MCCC1: variants seen among roughly 807,000 people sequenced by gnomAD.
The protein encoded by MCCC1 is methylcrotonyl-CoA carboxylase subunit 1, also known as methylcrotonoyl-CoA carboxylase subunit alpha, mitochondrial.
Under a neutral mutation model 83.8 loss-of-function variants are expected in MCCC1, and 64 were observed. The observed-to-expected ratio is 0.76, with a 90% confidence interval of 0.62 to 0.94. MCCC1 has a LOEUF of 0.94. Ranked by LOEUF, MCCC1 falls within the 40% of genes least tolerant of loss-of-function variation. The probability of loss-of-function intolerance (pLI) is 0.00; values close to 1 mark genes in which losing one functional copy is unlikely to be tolerated. For synonymous variants in MCCC1, 322 were observed against 315.4 expected (o/e 1.02, Z -0.22); for missense variants, 807 against 904.7 (o/e 0.89, Z 1.39).
rs886564017 is a variant in MCCC1, at chr3:183,052,172, A to T, written c.942T>A (p.Asn314Lys). The part of the protein sequence containing the change: ...EAAVRAAKAV[N>K]YVGAGTVEFI... The stretch of plus-strand genomic sequence containing the variant: ...ATCTTAACCTACCTGCTCCAACATA[A>T]TTTACAGCTTTAGCAGCTCTGACTG... The change falls in exon 9 of 19, where the codon AAT becomes AAA. Residue 314 changes from asparagine (N) to lysine (K), a missense_variant. By Grantham distance (94) the Asn-to-Lys change is moderately conservative. Coordinates refer to ENST00000265594, the MANE Select transcript of MCCC1 (RefSeq NM_020166.5). The T allele has an allele frequency of 7.2e-5, 117 of 1,613,926 alleles. No homozygotes were observed. Among genetic ancestry groups the T allele is most frequent in the Non-Finnish European group, 9.5e-5 (112 of 1,179,984 alleles).
intron 9 of MCCC1, among the ~76,000 whole-genome samples, chr3:183,050,237 T>C (rs1714863156): frequency 6.6e-6 from 1 of 152,042 alleles, no homozygotes; most frequent in African/African-American, 2.4e-5. Context: ...ATTAAAGAGA[T>C]TAAGTCAATA....
At chr3:183,099,513 T>C, upstream of MCCC1, 1 of 1,532,254 alleles carries the variant, frequency 6.5e-7, no homozygotes, top group Admixed American at 1.9e-5. Context: ...AACCCGTTCC[T>C]CCACTACGAA....
chr3:183,101,289 G>T (rs114830081), upstream of MCCC1, among the ~76,000 whole-genome samples: 7 of 152,226 alleles, frequency 4.6e-5, no homozygotes, highest in African/African-American at 1.4e-4. Context: ...GCGAGCGCAC[G>T]GCGGCGCAGG....
In MCCC1 at chr3:183,037,310, T is replaced by C; in HGVS notation, c.1502A>G (p.Lys501Arg). 6.2e-7 allele frequency: 1 copy of C among 1,614,108 alleles called. No homozygotes were observed. Among genetic ancestry groups the C allele is most frequent in the African/African-American group, 1.3e-5 (1 of 75,028 alleles). ...GCATAAAGACTCTTTGGCTGCAGCCTTCCGACTGAGCAACAACTGTTTGTG... is the reference window on the plus strand; with the variant it reads ...GCATAAAGACTCTTTGGCTGCAGCCCTCCGACTGAGCAACAACTGTTTGTG... ...QHHKQLLLSR[K>R]AAAKESLCQA... The change falls in exon 13 of 19, where the codon AAG becomes AGG. Residue 501 changes from lysine (K) to arginine (R), a missense_variant. By Grantham distance (26) the Lys-to-Arg change is conservative (BLOSUM62 2). Transcript: ENST00000265594.
intron 1 of MCCC1, among the ~76,000 whole-genome samples, chr3:183,109,722 G>A (rs1719464623): frequency 6.6e-6 from 1 of 152,182 alleles, no homozygotes; most frequent in Non-Finnish European, 1.5e-5. Flanking sequence ...ACATATGAGT[G>A]TGTGTGTCTC....
rs776138490 is a variant in MCCC1 at position 183,015,527 on chromosome 3, C to T, written c.2089G>A (p.Val697Met). ...KSPKDGTVKK[V>M]FYREGAQANR... ...GCCTGAGCACCTTCTCTGTAGAACA[C>T]TTTCTTTACTGTGCCATCCTTTGGA... The change falls in exon 19 of 19, where the codon GTG becomes ATG. Residue 697 changes from valine (V) to methionine (M), a missense_variant. Transcript: ENST00000265594. 27 of 1,614,048 alleles carry T rather than the reference C, an allele frequency of 1.7e-5. No individual in the cohort carries two copies. Among genetic ancestry groups the T allele is most frequent in the Non-Finnish European group, 2.2e-5 (26 of 1,180,010 alleles).
At chr3:183,032,585 T>A (rs1713169036) in intron 14 of MCCC1, among the ~76,000 whole-genome samples, 1 of 152,066 alleles carries the variant, frequency 6.6e-6, no homozygotes, top group African/African-American at 2.4e-5. Flanking sequence ...GAACAAAATA[T>A]TTGTTACTGG....
At chr3:183,035,337 G>A (rs1713480503) in intron 13 of MCCC1, among the ~76,000 whole-genome samples, 1 of 152,100 alleles carries the variant, frequency 6.6e-6, no homozygotes, top group African/African-American at 2.4e-5. Context: ...TAAAGATGCA[G>A]TTTTCGGGAC....
chr3:183,044,341 A>G (rs1185430480), intron 10 of MCCC1, among the ~76,000 whole-genome samples: 1 of 152,226 alleles, frequency 6.6e-6, no homozygotes, highest in Admixed American at 6.5e-5. Flanking sequence ...GTTTTGTGGA[A>G]TTCTGGTTTA....
chr3:183,089,549 G>A (rs1298764005), intron 3 of MCCC1, among the ~76,000 whole-genome samples: 2 of 152,158 alleles, frequency 1.3e-5, no homozygotes, highest in Non-Finnish European at 1.5e-5. Flanking sequence ...GGGGGGTTGA[G>A]GCTGCAGTGA....
At chr3:183,093,073 T>C (rs1295972293) in intron 2 of MCCC1, among the ~76,000 whole-genome samples, 1 of 152,094 alleles carries the variant, frequency 6.6e-6, no homozygotes, top group East Asian at 1.9e-4. Flanking sequence ...TTTGTATTTT[T>C]AGTAGAGACG....
In MCCC1 at chr3:183,041,684, C is replaced by T. The variant is rs761471986; in HGVS notation, c.1150G>A (p.Ala384Thr). The stretch of plus-strand genomic sequence containing the variant: ...CTAGGATCTTCTGCATATATTCTAG[C>T]TTCGAAGGCATGGCCCTGCAGAGTT... ...EITLQGHAFE[A>T]RIYAEDPSNN... Residue 384 changes from alanine to threonine, a missense_variant, in exon 11 of 19, where the codon GCT becomes ACT. Coordinates refer to ENST00000265594, the MANE Select transcript of MCCC1 (RefSeq NM_020166.5). 1 of 1,614,212 alleles carries T rather than the reference C, an allele frequency of 6.2e-7. No individual in the cohort carries two copies.
At chr3:183,116,116 G>A (rs1719583553), upstream of MCCC1, 1 of 153,628 alleles carries the variant, frequency 6.5e-6, no homozygotes, top group African/African-American at 2.4e-5. Flanking sequence ...GCGGCCAATG[G>A]GGGGCTAAAG....
chr3:183,015,558 T>C lies in MCCC1; in HGVS notation c.2058A>G (p.Ile686Met), dbSNP rs1438084993. The change falls in exon 19 of 19, where the codon ATA becomes ATG. Residue 686 changes from isoleucine to methionine, a missense_variant. Coordinates refer to ENST00000265594, the MANE Select transcript of MCCC1 (RefSeq NM_020166.5). ...VMIAMKMEHT[I>M]KSPKDGTVKK... ...TTACTGTGCCATCCTTTGGAGACTT[T>C]ATGGTATGCTGCAGAGACACATGAC... 1 of 1,614,144 alleles carries C rather than the reference T, an allele frequency of 6.2e-7. No individual in the cohort carries two copies. The highest frequency in any genetic ancestry group is 8.5e-7 in the Non-Finnish European group (1 of 1,180,014).
chr3:183,113,433 G>T (rs1428873242), intron 1 of MCCC1, among the ~76,000 whole-genome samples: 3 of 136,284 alleles, frequency 2.2e-5, no homozygotes, highest in South Asian at 2.8e-4. Context: ...GGGGAGGGGG[G>T]ACGGATAGCA....
chr3:183,052,290 G>T (rs763026121), intron 8 of MCCC1, 50 bp from the exon 9 acceptor site: 3 of 1,521,986 alleles, frequency 2.0e-6, no homozygotes, highest in African/African-American at 1.4e-5. Context: ...TGCCTTACTA[G>T]AAATTCCATT....
chr3:183,084,186 T>C (rs903213708), intron 4 of MCCC1, among the ~76,000 whole-genome samples: 3 of 152,262 alleles, frequency 2.0e-5, no homozygotes, highest in Non-Finnish European at 2.9e-5. Flanking sequence ...TGTGAGCCAC[T>C]GTGTCCAGCT....
rs1320711624 is a variant in MCCC1, at chr3:183,064,140, A to G, written c.762-6718T>C. On this transcript the variant is annotated intron_variant, in intron 7 of 18. Transcript: ENST00000265594. The surrounding 1 kb of genome is among the most constrained non-coding windows in gnomAD (Gnocchi z 4.5). ...TGTTAACTGCTATTCTGTTTGAATT[A>G]ATCTGCCTTGCACTCTTTGCTGACG... is the stretch of plus-strand genomic sequence containing the variant. Among the ~76,000 whole-genome samples the G allele has an allele frequency of 6.6e-6, 1 of 152,064 alleles. No individual in the cohort carries two copies. The highest frequency in any genetic ancestry group is 2.4e-5 in the African/African-American group (1 of 41,404).
upstream of MCCC1, among the ~76,000 whole-genome samples, chr3:183,101,549 G>T (rs566254510): frequency 6.6e-6 from 1 of 151,832 alleles, no homozygotes; most frequent in Non-Finnish European, 1.5e-5. Context: ...TGATGGGGAC[G>T]TGGAGAACCT....
Sources: allele counts gnomAD v4.1 joint callset (sites outside exome capture counted in the v4.1 genomes callset), GRCh38; gene constraint gnomAD v4.1.1; non-coding constraint Gnocchi (gnomAD v3.1); transcripts MANE v1.5; gene names NCBI Gene and HGNC (gene_info 2026-07-23, HGNC 2026-07-21).